LOC400499: variants seen among roughly 807,000 people sequenced by gnomAD.
chr16:11,446,948 A>T, the LOC400499 span: 1 of 1,511,640 alleles, frequency 6.6e-7, no homozygotes, highest in East Asian at 2.5e-5. Flanking sequence ...AAGCCATTAA[A>T]GCAGCTGGCA....
At chr16:11,382,050 C>CCTCA in the LOC400499 span, among the ~76,000 whole-genome samples, 3 of 152,162 alleles carry the variant, frequency 2.0e-5, no homozygotes, top group East Asian at 5.8e-4. Context: ...GATTCTCCTG[C>CCTCA]CTCAGCCTTC....
the LOC400499 span, among the ~76,000 whole-genome samples, chr16:11,452,927 T>A: frequency 6.6e-6 from 1 of 152,234 alleles, no homozygotes. Flanking sequence ...ACTGGTCCGA[T>A]GAGTTTTCTG....
chr16:11,396,682 C>T, the LOC400499 span: 22 of 1,231,958 alleles, frequency 1.8e-5, no homozygotes, highest in Admixed American at 1.3e-4. Context: ...GGGCCTGGGA[C>T]GAGAGAGTCT....
At chr16:11,488,103 C>T in the LOC400499 span, among the ~76,000 whole-genome samples, 1 of 138,934 alleles carries the variant, frequency 7.2e-6, no homozygotes, top group African/African-American at 2.8e-5. Flanking sequence ...GGCAATAGGG[C>T]GATAGTCCAT....
chr16:11,430,916 G>C, the LOC400499 span: 1 of 397,556 alleles, frequency 2.5e-6, no homozygotes, highest in African/African-American at 2.1e-5. Context: ...TAAACCTGTA[G>C]ATATGCCAGT....
chr16:11,522,884 G>T, the LOC400499 span, among the ~76,000 whole-genome samples: 2 of 152,146 alleles, frequency 1.3e-5, no homozygotes, highest in East Asian at 3.9e-4. Flanking sequence ...CTGATTTAGG[G>T]AACAGAGAGG....
chr16:11,473,135 A>G, the LOC400499 span: 1 of 151,576 alleles, frequency 6.6e-6, no homozygotes, highest in Non-Finnish European at 1.5e-5. Context: ...AAATAAATAA[A>G]TAAATAAAAT....
the LOC400499 span, among the ~76,000 whole-genome samples, chr16:11,413,995 T>C: frequency 1.3e-5 from 2 of 152,052 alleles, no homozygotes; most frequent in African/African-American, 4.8e-5. Flanking sequence ...AGGATGAGAC[T>C]GACGAACGCC....
the LOC400499 span, among the ~76,000 whole-genome samples, chr16:11,446,397 ATCT>A: frequency 6.6e-6 from 1 of 151,926 alleles, no homozygotes; most frequent in Non-Finnish European, 1.5e-5. Context: ...GTCTTAAGCG[ATCT>A]TCTCACCTCA....
chr16:11,485,169 G>A, the LOC400499 span: 1 of 398,098 alleles, frequency 2.5e-6, no homozygotes, highest in Non-Finnish European at 4.4e-6. Context: ...GACCCAGAAG[G>A]CTTGAGCACG....
chr16:11,433,048 T>A, the LOC400499 span, among the ~76,000 whole-genome samples: 2 of 152,228 alleles, frequency 1.3e-5, no homozygotes, highest in Non-Finnish European at 2.9e-5. Flanking sequence ...ACCACTTGTT[T>A]TTATAAATAA....
chr16:11,391,835 G>T, the LOC400499 span: 3 of 1,231,814 alleles, frequency 2.4e-6, no homozygotes, highest in Admixed American at 4.2e-5. Flanking sequence ...GGCCTGCCAC[G>T]CCGTCCAGGG....
At chr16:11,456,201 C>T in the LOC400499 span, among the ~76,000 whole-genome samples, 1 of 152,074 alleles carries the variant, frequency 6.6e-6, no homozygotes, top group Non-Finnish European at 1.5e-5. Flanking sequence ...CCTGCCACCA[C>T]ACATGGCTAA....
the LOC400499 span, chr16:11,383,678 G>A: frequency 6.8e-5 from 84 of 1,232,350 alleles, no homozygotes; most frequent in Admixed American, 1.3e-4. Flanking sequence ...ACGAATCCAC[G>A]GGCACACAGG....
At chr16:11,401,441 C>T in the LOC400499 span, 18 of 399,306 alleles carry the variant, frequency 4.5e-5, no homozygotes, top group Non-Finnish European at 7.5e-5. Context: ...AGTGGCCTTG[C>T]CCAGACAGAC....
the LOC400499 span, chr16:11,387,034 C>CTA: frequency 1.2e-5 from 14 of 1,130,854 alleles, no homozygotes; most frequent in Non-Finnish European, 1.6e-5. Flanking sequence ...ATGCTACTAG[C>CTA]CTATGGAGGC....
At chr16:11,384,601 C>T in the LOC400499 span, among the ~76,000 whole-genome samples, 1 of 152,232 alleles carries the variant, frequency 6.6e-6, no homozygotes, top group Non-Finnish European at 1.5e-5. Flanking sequence ...CCAGGCCCTT[C>T]CTTTGTGTTC....
chr16:11,437,166 G>C, the LOC400499 span, among the ~76,000 whole-genome samples: 1 of 152,186 alleles, frequency 6.6e-6, no homozygotes, highest in Non-Finnish European at 1.5e-5. Flanking sequence ...AGTGTAGGAG[G>C]AGGGATGAAA....
chr16:11,403,175 G>T, the LOC400499 span, among the ~76,000 whole-genome samples: 1 of 152,138 alleles, frequency 6.6e-6, no homozygotes, highest in Admixed American at 6.5e-5. Context: ...GTGCACGCTG[G>T]TGACCTGTGA....
Sources: gnomAD v4.1 joint callset for allele counts (sites outside exome capture counted in the v4.1 genomes callset) on GRCh38, gnomAD v4.1.1 for gene constraint, MANE v1.5 for transcripts.